Variants in IMMP2L observed in about 807,000 individuals in gnomAD.
The protein encoded by IMMP2L is mitochondrial inner membrane protease subunit 2.
IMMP2L carries 18 observed loss-of-function variants against 19.3 expected under a neutral mutation model. The ratio of observed to expected loss-of-function variants is 0.93; its 90% CI spans 0.64 to 1.38. IMMP2L has a LOEUF of 1.38. Among genes scored for constraint, IMMP2L ranks in the 40% most tolerant of loss-of-function variants. The pLI is 0.00. For synonymous variants in IMMP2L, 76 were observed against 73.0 expected, an observed-to-expected ratio of 1.04 and a Z score of -0.21; for missense variants, 233 against 218.2, an observed-to-expected ratio of 1.07 and a Z score of -0.43.
chr7:111,493,023 A>C (rs2132331847), intron 2 of IMMP2L, among the ~76,000 whole-genome samples: 1 of 152,312 alleles, frequency 6.6e-6, no homozygotes, highest in South Asian at 2.1e-4. Flanking sequence ...AGTGATTGGA[A>C]AATAATATTT....
At chr7:111,442,940 G>T (rs1223841661) in intron 3 of IMMP2L, among the ~76,000 whole-genome samples, 1 of 151,900 alleles carries the variant, frequency 6.6e-6, no homozygotes, top group African/African-American at 2.4e-5. Flanking sequence ...AAGCCTCTAT[G>T]TTGACAGGGA....
rs151062440 is a variant in IMMP2L at position 110,896,476 on chromosome 7, A to AATC, written c.306-9782_306-9781insGAT. 2.4e-4 allele frequency among the ~76,000 whole-genome samples: 21 copies of AATC among 89,294 alleles called. 3 individuals carry two copies. Among genetic ancestry groups the AATC allele is most frequent in the East Asian group, 6.0e-4 (1 of 1,666 alleles). 58.6% of individuals were successfully genotyped at this position (89,294 alleles called of 152,430 possible). On this transcript the variant is annotated intron_variant, in intron 4 of 5. Transcript: ENST00000405709. ...TAAGTATAATTTTATTTTTCAAAAA[A>AATC]AATATTTATCCATTTTCAATTGGAT... is the stretch of plus-strand genomic sequence containing the variant.
At chr7:111,426,983 T>C (rs1361201790) in intron 3 of IMMP2L, among the ~76,000 whole-genome samples, 2 of 151,246 alleles carry the variant, frequency 1.3e-5, no homozygotes, top group African/African-American at 2.4e-5. Context: ...TTTATGAGTA[T>C]AGTTACAAAG....
At chr7:111,192,337 T>G (rs1808976447) in intron 3 of IMMP2L, among the ~76,000 whole-genome samples, 1 of 152,130 alleles carries the variant, frequency 6.6e-6, no homozygotes, top group Non-Finnish European at 1.5e-5. Flanking sequence ...ATAAAGTCAT[T>G]TGTTTCCTTT....
intron 3 of IMMP2L, among the ~76,000 whole-genome samples, chr7:110,978,964 T>C (rs1040233140): frequency 6.6e-6 from 1 of 152,056 alleles, no homozygotes; most frequent in Admixed American, 6.6e-5. Context: ...ATATACTTTT[T>C]AGTAATTCTT....
intron 2 of IMMP2L, among the ~76,000 whole-genome samples, chr7:111,506,326 T>C (rs1202341748): frequency 6.6e-6 from 1 of 152,150 alleles, no homozygotes; most frequent in Non-Finnish European, 1.5e-5. Flanking sequence ...TACAAGTTAA[T>C]TCAACACCCT....
chr7:111,387,189 T>C (rs1370554152), intron 3 of IMMP2L, among the ~76,000 whole-genome samples: 1 of 152,162 alleles, frequency 6.6e-6, no homozygotes, highest in Non-Finnish European at 1.5e-5. Flanking sequence ...TTGAGGCTTT[T>C]TTGTGACATA....
intron 3 of IMMP2L, among the ~76,000 whole-genome samples, chr7:110,993,340 TC>T (rs1361570753): frequency 4.6e-5 from 7 of 152,142 alleles, no homozygotes; most frequent in African/African-American, 7.2e-5. Context: ...TCTAAACAGG[TC>T]TCACAGAAGT....
intron 3 of IMMP2L, among the ~76,000 whole-genome samples, chr7:111,137,521 C>CA (rs1206079214): frequency 6.6e-6 from 1 of 151,802 alleles, no homozygotes; most frequent in African/African-American, 2.4e-5. Flanking sequence ...CCACATTGCT[C>CA]AAAATAAGAA....
chr7:110,829,455 G>C (rs1488650184), intron 5 of IMMP2L, among the ~76,000 whole-genome samples: 1 of 152,138 alleles, frequency 6.6e-6, no homozygotes, highest in African/African-American at 2.4e-5. Context: ...ACATGTAAAT[G>C]TGTTATGAAT....
At chr7:111,098,967 A>G (rs922262521) in intron 3 of IMMP2L, among the ~76,000 whole-genome samples, 3 of 151,696 alleles carry the variant, frequency 2.0e-5, no homozygotes, top group Non-Finnish European at 4.4e-5. Context: ...AGAATATTAT[A>G]CCTTTGTAGG....
chr7:111,115,028 G>C (rs185146387), intron 3 of IMMP2L, among the ~76,000 whole-genome samples: 2 of 152,090 alleles, frequency 1.3e-5, no homozygotes, highest in Admixed American at 1.3e-4. Context: ...TGGAAAACAA[G>C]ATGATTATAC....
At chr7:111,058,013 C>G (rs1793672021) in intron 3 of IMMP2L, among the ~76,000 whole-genome samples, 1 of 152,138 alleles carries the variant, frequency 6.6e-6, no homozygotes, top group Non-Finnish European at 1.5e-5. Flanking sequence ...GGATCTTCAG[C>G]AGCTCTCTTC....
intron 4 of IMMP2L, among the ~76,000 whole-genome samples, chr7:110,912,653 T>C (rs1043361323): frequency 2.0e-5 from 3 of 152,078 alleles, no homozygotes; most frequent in African/African-American, 7.2e-5. Context: ...CCCTGATCTT[T>C]ATAAAATTCA....
At chr7:111,192,596 T>G (rs1809011191) in intron 3 of IMMP2L, among the ~76,000 whole-genome samples, 2 of 152,066 alleles carry the variant, frequency 1.3e-5, no homozygotes, top group Non-Finnish European at 2.9e-5. Flanking sequence ...CAGATACAAA[T>G]CAGTAAGACA....
At chr7:111,359,088 C>T (rs1350386768) in intron 3 of IMMP2L, among the ~76,000 whole-genome samples, 4 of 152,186 alleles carry the variant, frequency 2.6e-5, no homozygotes, top group Non-Finnish European at 4.4e-5. Context: ...CTTGCCAAGC[C>T]GATACACTGG....
At chr7:111,118,553 C>A (rs1395335478) in intron 3 of IMMP2L, among the ~76,000 whole-genome samples, 1 of 151,958 alleles carries the variant, frequency 6.6e-6, no homozygotes, top group East Asian at 1.9e-4. Flanking sequence ...GTCTCAATAA[C>A]CTTACATTAA....
chr7:111,036,884 A>C lies in IMMP2L; in HGVS notation c.240-73319T>G, dbSNP rs190893517. 2.6e-5 allele frequency among the ~76,000 whole-genome samples: 4 copies of C among 152,328 alleles called. No homozygotes were observed. The East Asian group carries it at 7.7e-4, about 29-fold the overall frequency. ...TTATACATTTATTCATGATATCATA[A>C]GAAATCACCATGTGGGTTTTGCAAT... On this transcript the variant is annotated intron_variant, in intron 3 of 5. Transcript: ENST00000405709.
chr7:110,846,348 C>CT (rs919194286), intron 5 of IMMP2L, among the ~76,000 whole-genome samples: 1,303 of 126,374 alleles, frequency 0.01, 19 homozygotes, highest in African/African-American at 0.027. Context: ...ACCCTGATTT[C>CT]TTTTTTTTTT....
Sources: gnomAD v4.1 joint callset for allele counts (sites outside exome capture counted in the v4.1 genomes callset) on GRCh38, gnomAD v4.1.1 for gene constraint, MANE v1.5 for transcripts, NCBI Gene and HGNC (gene_info 2026-07-23, HGNC 2026-07-21) for gene names.